Variants in IMMP2L observed in about 807,000 individuals in gnomAD.
IMMP2L encodes mitochondrial inner membrane protease subunit 2.
IMMP2L carries 18 observed loss-of-function variants against 19.3 expected under a neutral mutation model. That is an observed-to-expected ratio of 0.93 (90% CI 0.64 to 1.38). The LOEUF (loss-of-function observed/expected upper bound fraction) is 1.38. Among genes scored for constraint, IMMP2L ranks in the 40% most tolerant of loss-of-function variants. The pLI is 0.00. For synonymous variants in IMMP2L, 76 were observed against 73.0 expected (o/e 1.04, Z -0.21); for missense variants, 233 against 218.2 (o/e 1.07, Z -0.43).
chr7:111,526,049 T>A lies in IMMP2L; in HGVS notation c.-2-4600A>T, dbSNP rs1003288332. Among the ~76,000 whole-genome samples, 2 of 150,106 alleles carry A rather than the reference T, an allele frequency of 1.3e-5. 1 individual carries two copies. Among genetic ancestry groups the A allele is most frequent in the Non-Finnish European group, 3.0e-5 (2 of 67,752 alleles). ...CATTTCAGGTAAAAGCAGTAACATATATGAAGGCCTAGGGGCAAAATAAAA... is the reference window on the plus strand; with the variant it reads ...CATTTCAGGTAAAAGCAGTAACATAAATGAAGGCCTAGGGGCAAAATAAAA... On this transcript the variant is annotated intron_variant, in intron 1 of 5. Coordinates refer to ENST00000405709, the MANE Select transcript of IMMP2L (RefSeq NM_032549.4).
At chr7:111,422,511 G>C (rs755264213) in intron 3 of IMMP2L, among the ~76,000 whole-genome samples, 5 of 151,690 alleles carry the variant, frequency 3.3e-5, no homozygotes, top group Non-Finnish European at 7.4e-5. Flanking sequence ...TTCATGATTT[G>C]GCTCTCTGTT....
chr7:110,829,249 A>G (rs942091283), intron 5 of IMMP2L, among the ~76,000 whole-genome samples: 1 of 152,184 alleles, frequency 6.6e-6, no homozygotes, highest in East Asian at 1.9e-4. Context: ...TGTAGATGGA[A>G]GACTAAAACA....
intron 3 of IMMP2L, among the ~76,000 whole-genome samples, chr7:111,409,708 T>C (rs1834226647): frequency 6.6e-6 from 1 of 151,664 alleles, no homozygotes; most frequent in African/African-American, 2.4e-5. Flanking sequence ...TTTAGAAAAA[T>C]TACATTCATT....
intron 5 of IMMP2L, among the ~76,000 whole-genome samples, chr7:110,796,837 G>A (rs888888386): frequency 6.6e-5 from 10 of 152,064 alleles, no homozygotes; most frequent in Admixed American, 2.0e-4. Flanking sequence ...GGTGTTAGCC[G>A]AACACTCCAG....
At chr7:111,014,224 G>C (rs781582969) in intron 3 of IMMP2L, among the ~76,000 whole-genome samples, 3 of 151,904 alleles carry the variant, frequency 2.0e-5, no homozygotes. Flanking sequence ...GCATTGTGGC[G>C]CATGCCTGTA....
chr7:111,079,157 G>T (rs1316115928), intron 3 of IMMP2L, among the ~76,000 whole-genome samples: 1 of 145,486 alleles, frequency 6.9e-6, no homozygotes, highest in African/African-American at 2.6e-5. Context: ...TCGCTCTGTC[G>T]CCCAGGCTGG....
chr7:110,683,923 G>A (rs1293369851), intron 5 of IMMP2L, among the ~76,000 whole-genome samples: 1 of 152,020 alleles, frequency 6.6e-6, no homozygotes, highest in Non-Finnish European at 1.5e-5. Context: ...TCTGTTTAGG[G>A]TCATTCAACA....
At chr7:111,155,405 C>G (rs1459716606) in intron 3 of IMMP2L, among the ~76,000 whole-genome samples, 1 of 152,068 alleles carries the variant, frequency 6.6e-6, no homozygotes, top group Non-Finnish European at 1.5e-5. Flanking sequence ...GAAATATTCA[C>G]TCTAAATATA....
chr7:111,559,360 CAA>C (rs1791750681), intron 1 of IMMP2L, among the ~76,000 whole-genome samples: 1 of 152,132 alleles, frequency 6.6e-6, no homozygotes, highest in Admixed American at 6.6e-5. Context: ...CCTTATAAAC[CAA>C]AGACATTTCC....
chr7:110,787,587 C>T (rs1336255048), intron 5 of IMMP2L, among the ~76,000 whole-genome samples: 1 of 151,890 alleles, frequency 6.6e-6, no homozygotes, highest in African/African-American at 2.4e-5. Flanking sequence ...AAGTGACACC[C>T]TAATTAAAAT....
intron 3 of IMMP2L, among the ~76,000 whole-genome samples, chr7:111,137,412 C>T (rs536451480): frequency 5.9e-5 from 9 of 152,170 alleles, no homozygotes; most frequent in Admixed American, 1.3e-4. Context: ...AAAAAAAATA[C>T]GTTAAGCCAG....
At chr7:111,122,792 G>A (rs200480823) in intron 3 of IMMP2L, 29 of 1,612,984 alleles carry the variant, frequency 1.8e-5, no homozygotes, top group Middle Eastern at 1.7e-4. Context: ...ATGCCACTCC[G>A]AATTCATGTG....
intron 5 of IMMP2L, among the ~76,000 whole-genome samples, chr7:110,684,585 AC>A (rs1792975036): frequency 6.6e-6 from 1 of 151,756 alleles, no homozygotes; most frequent in Admixed American, 6.6e-5. Flanking sequence ...GACTGTTAAA[AC>A]TCTTGATGCT....
intron 1 of IMMP2L, among the ~76,000 whole-genome samples, chr7:111,529,171 T>C (rs2529490): frequency 6.6e-6 from 1 of 152,156 alleles, no homozygotes; most frequent in Non-Finnish European, 1.5e-5. Context: ...AAGAAACAAG[T>C]ATATGACCAT....
At chr7:111,237,005 T>A (rs1180941145) in intron 3 of IMMP2L, among the ~76,000 whole-genome samples, 1 of 152,154 alleles carries the variant, frequency 6.6e-6, no homozygotes, top group Non-Finnish European at 1.5e-5. Flanking sequence ...ATGGCCATTC[T>A]CTGGGAATAG....
At chr7:111,217,126 TCACACACACACACACA>T (rs1315821493) in intron 3 of IMMP2L, among the ~76,000 whole-genome samples, 1 of 123,998 alleles carries the variant, frequency 8.1e-6, no homozygotes, top group Non-Finnish European at 1.7e-5. Flanking sequence ...TCTCTCTCTC[TCACACACACACACACA>T]CACACACACA....
At chr7:111,487,859 C>T (rs1231881934) in intron 2 of IMMP2L, among the ~76,000 whole-genome samples, 6 of 152,128 alleles carry the variant, frequency 3.9e-5, no homozygotes, top group Non-Finnish European at 8.8e-5. Flanking sequence ...CCACTTTGAC[C>T]TCTCTTTTCT....
At chr7:111,500,247 G>A (rs182644643) in intron 2 of IMMP2L, among the ~76,000 whole-genome samples, 21 of 152,300 alleles carry the variant, frequency 1.4e-4, no homozygotes, top group African/African-American at 4.1e-4. Flanking sequence ...AGGCGGCAGC[G>A]AGGCTGGGGA....
intron 3 of IMMP2L, among the ~76,000 whole-genome samples, chr7:111,260,189 T>C (rs1817168763): frequency 1.3e-5 from 2 of 152,162 alleles, no homozygotes; most frequent in Admixed American, 1.3e-4. Flanking sequence ...ATGTACAAAA[T>C]TGTTTGGGCT....
Sources: gnomAD v4.1 joint callset for allele counts (sites outside exome capture counted in the v4.1 genomes callset) on GRCh38, gnomAD v4.1.1 for gene constraint, MANE v1.5 for transcripts, NCBI Gene and HGNC (gene_info 2026-07-23, HGNC 2026-07-21) for gene names.